BTNL9: variants seen among roughly 807,000 people sequenced by gnomAD.
BTNL9 encodes butyrophilin-like protein 9.
Under a neutral mutation model 45.8 loss-of-function variants are expected in BTNL9, and 45 were observed. The observed-to-expected ratio is 0.98, with a 90% CI of 0.77 to 1.26. BTNL9 has a LOEUF of 1.26. Among genes scored for constraint, BTNL9 ranks in the 50% most tolerant of loss-of-function variants. The pLI is 0.00. For synonymous variants in BTNL9, 346 were observed against 330.8 expected (o/e 1.05, Z -0.50); for missense variants, 784 against 729.7 (o/e 1.07, Z -0.86).
At position 181,053,467 on chromosome 5, in the gene BTNL9, A is replaced by G. The variant is rs1582140750; in HGVS notation, c.854-2A>G. On this transcript the variant is annotated splice_acceptor_variant, in intron 5 of 10. Transcript: ENST00000327705. LOFTEE classifies it high-confidence loss of function. This position sits in a 1 kb window ranked among gnomAD's most constrained non-coding sequence, Gnocchi z 6.5. ...GCCCTCTCCGCTCCCGTTTCCCTTC[A>G]GAAAAGCTGAGGAAGCAGGCGGAGA... is the stretch of plus-strand genomic sequence containing the variant. The G allele has an allele frequency of 1.3e-6, 2 of 1,574,812 alleles. No homozygotes were observed. The highest frequency in any genetic ancestry group is 4.6e-5 in the East Asian group (2 of 43,172).
Position 181,050,448 on chromosome 5 carries a change from A to G in BTNL9, c.736+79A>G. 6.7e-7 allele frequency: 1 copy of G among 1,502,760 alleles called. No homozygotes were observed. Among genetic ancestry groups the G allele is most frequent in the Non-Finnish European group, 9.1e-7 (1 of 1,097,892 alleles). 93.1% of individuals were successfully genotyped at this position (1,502,760 alleles called of 1,614,324 possible). A position where few individuals can be genotyped will look rare whatever the true frequency, so the allele number is the denominator to read the frequency against. On this transcript the variant is annotated intron_variant, in intron 4 of 10. Coordinates refer to ENST00000327705, the MANE Select transcript of BTNL9 (RefSeq NM_152547.5). The surrounding 1 kb of genome is among the most constrained non-coding windows in gnomAD (Gnocchi z 4.9). ...ATTGGCCCAAAGGCAGTCTATAAAG[A>G]CACAATGGTACTGCGCCTGTCTGCA...
In BTNL9 at chr5:181,060,001, C is replaced by G. The variant is rs1762090525; in HGVS notation, c.*139C>G. The G allele has an allele frequency of 6.6e-6, 5 of 760,618 alleles. No individual in the cohort carries two copies. The Admixed American group carries it at 1.2e-4, about 18-fold the overall frequency. 47.1% of individuals were successfully genotyped at this position (760,618 alleles called of 1,614,324 possible). A position where few individuals can be genotyped will look rare whatever the true frequency, so the allele number is the denominator to read the frequency against. The stretch of plus-strand genomic sequence containing the variant: ...GGGGGACAAAGAGAGGGACCTTTGC[C>G]TACGTAGATGTGTATGTGTAGTGCG... On this transcript the variant is annotated 3_prime_UTR_variant, in exon 11 of 11. Coordinates refer to ENST00000327705, the MANE Select transcript of BTNL9 (RefSeq NM_152547.5).
intron 1 of BTNL9, among the ~76,000 whole-genome samples, chr5:181,044,473 G>A (rs548170348): frequency 6.6e-6 from 1 of 152,300 alleles, no homozygotes; most frequent in Non-Finnish European, 1.5e-5. Context: ...GACAGTGCGT[G>A]GGCGTTGGGA....
chr5:181,045,371 A>AG, intron 1 of BTNL9, 96 bp from the exon 2 acceptor site: 1 of 678,222 alleles, frequency 1.5e-6, no homozygotes, highest in South Asian at 1.7e-5. Flanking sequence ...CTAGACAAAA[A>AG]TAACTGAGGC....
chr5:181,053,482 G>A lies in BTNL9; in HGVS notation c.867G>A (p.Lys289=). 1 of 1,578,774 alleles carries A rather than the reference G, an allele frequency of 6.3e-7. No homozygotes were observed. Among genetic ancestry groups the A allele is most frequent in the Middle Eastern group, 1.7e-4 (1 of 5,950 alleles). Residue 289 remains lysine (K), a synonymous_variant, in exon 6 of 11, where the codon AAG becomes AAA. Coordinates refer to ENST00000327705, the MANE Select transcript of BTNL9 (RefSeq NM_152547.5). The surrounding 1 kb of genome is among the most constrained non-coding windows in gnomAD (Gnocchi z 6.5). ...KQRRSREKLR[K]QAEKRQEKLT... Reference sequence around the variant, plus strand: ...GTTTCCCTTCAGAAAAGCTGAGGAAGCAGGCGGAGAAGAGACAAGGTGAGC... The same window carrying A: ...GTTTCCCTTCAGAAAAGCTGAGGAAACAGGCGGAGAAGAGACAAGGTGAGC...
chr5:181,053,627 CG>C lies in BTNL9; in HGVS notation c.886+130del. 6.5e-7 allele frequency: 1 copy of C among 1,544,368 alleles called. No individual in the cohort carries two copies. Among genetic ancestry groups the C allele is most frequent in the Non-Finnish European group, 8.7e-7 (1 of 1,142,986 alleles). On this transcript the variant is annotated intron_variant, in intron 6 of 10. Coordinates refer to ENST00000327705, the MANE Select transcript of BTNL9 (RefSeq NM_152547.5). This position sits in a 1 kb window ranked among gnomAD's most constrained non-coding sequence, Gnocchi z 6.5. ...AGGTGTCAGGGCGGCCACCGGGGAA[CG>C]GGGATCGGTGACCCCGGTGGGGAAG...
Position 181,060,029 on chromosome 5 carries a change from T to A in BTNL9, c.*167T>A. The A allele has an allele frequency of 6.2e-6, 4 of 649,122 alleles. No homozygotes were observed. Among genetic ancestry groups the A allele is most frequent in the Non-Finnish European group, 2.6e-6 (1 of 389,130 alleles). 40.2% of individuals were successfully genotyped at this position (649,122 alleles called of 1,614,324 possible). ...CGTAGATGTGTATGTGTAGTGCGAT[T>A]TTCTTCAAGGAAAGGAGACAAGTCC... On this transcript the variant is annotated 3_prime_UTR_variant, in exon 11 of 11. Coordinates refer to ENST00000327705, the MANE Select transcript of BTNL9 (RefSeq NM_152547.5).
At chr5:181,058,016 C>CG (rs1424150751) in intron 9 of BTNL9, among the ~76,000 whole-genome samples, 1 of 152,184 alleles carries the variant, frequency 6.6e-6, no homozygotes, top group Non-Finnish European at 1.5e-5. Context: ...CACAGCCTGG[C>CG]GGGTCAGAGG....
chr5:181,048,060 T>C lies in BTNL9; in HGVS notation c.243T>C (p.Asn81=), dbSNP rs761899754. The stretch of plus-strand genomic sequence containing the variant: ...GCTGGTTCCGGAGTCAGACCTTCAA[T>C]GTGGTACACCTGTACCAGGAGCAGC... ...EIRWFRSQTF[N]VVHLYQEQQE... Residue 81 remains asparagine (N), a synonymous_variant, in exon 3 of 11, where the codon AAT becomes AAC. Transcript: ENST00000327705. 5.6e-6 allele frequency: 9 copies of C among 1,613,704 alleles called. 1 individual carries two copies. In the East Asian group the frequency reaches 1.1e-4, roughly 20 times the overall value.
intron 1 of BTNL9, among the ~76,000 whole-genome samples, chr5:181,041,546 G>T (rs1760777031): frequency 6.6e-6 from 1 of 152,140 alleles, no homozygotes; most frequent in Admixed American, 6.5e-5. Context: ...TAGAGAAAAT[G>T]GGATGCTTCA....
rs1219290362 is a variant in BTNL9, at chr5:181,042,265, C to T, written c.-24+1833C>T. 6.6e-6 allele frequency among the ~76,000 whole-genome samples: 1 copy of T among 152,210 alleles called. No homozygotes were observed. The highest frequency in any genetic ancestry group is 2.4e-5 in the African/African-American group (1 of 41,446). On this transcript the variant is annotated intron_variant, in intron 1 of 10. Transcript: ENST00000327705. This position sits in a 1 kb window ranked among gnomAD's most constrained non-coding sequence, Gnocchi z 4.5. The stretch of plus-strand genomic sequence containing the variant: ...AAGCAGCACGTGCCCGCCGGCAGAG[C>T]TCAGCTCCAGCTGGAGGACCCCTTT...
intron 9 of BTNL9, chr5:181,057,115 A>C (rs1176279322): frequency 6.6e-6 from 1 of 152,430 alleles, no homozygotes; most frequent in African/African-American, 2.4e-5. Flanking sequence ...AGCTTTGTCC[A>C]TAGTTCCCCT....
At chr5:181,057,784 G>A (rs7714613) in intron 9 of BTNL9, among the ~76,000 whole-genome samples, 7,765 of 152,280 alleles carry the variant, frequency 0.051, 352 homozygotes, top group African/African-American at 0.12. Context: ...ACGCAAAACC[G>A]GGGCAGCAAA....
intron 9 of BTNL9, chr5:181,056,706 C>A: frequency 1.5e-6 from 1 of 683,282 alleles, no homozygotes; most frequent in Admixed American, 2.2e-5. Context: ...GTGGGTATGT[C>A]CACTAAGGGG....
Position 181,055,517 on chromosome 5 carries a change from C to G in BTNL9, c.928+64C>G. ...GGGTCCAGTGGCTCACACCTGTAAT[C>G]CCAGTACTTTGGGAGGCCGAGGCGG... On this transcript the variant is annotated intron_variant, in intron 8 of 10. Transcript: ENST00000327705. This position sits in a 1 kb window ranked among gnomAD's most constrained non-coding sequence, Gnocchi z 4.4. 1.3e-6 allele frequency: 2 copies of G among 1,590,670 alleles called. No individual in the cohort carries two copies. The highest frequency in any genetic ancestry group is 1.7e-6 in the Non-Finnish European group (2 of 1,159,490).
chr5:181,053,944 C>T lies in BTNL9; in HGVS notation c.887-295C>T. The T allele has an allele frequency of 6.6e-7, 1 of 1,521,404 alleles. No homozygotes were observed. The highest frequency in any genetic ancestry group is 1.2e-5 in the South Asian group (1 of 83,046). The allele number at this position is 1,521,404 out of a possible 1,614,324, so 94.2% of individuals were successfully genotyped here. A position where few individuals can be genotyped will look rare whatever the true frequency, so the allele number is the denominator to read the frequency against. ...CAGTTACGTGAGGCAGTGTCCGGGG[C>T]TTAACGTTTCCGCCGAGCTAATAGA... On this transcript the variant is annotated intron_variant, in intron 6 of 10. Coordinates refer to ENST00000327705, the MANE Select transcript of BTNL9 (RefSeq NM_152547.5). The surrounding 1 kb of genome is among the most constrained non-coding windows in gnomAD (Gnocchi z 6.5).
At chr5:181,048,803 ATATAATTATATTAGTTATATAATAT>A (rs1276011980) in intron 3 of BTNL9, among the ~76,000 whole-genome samples, 40 of 36,040 alleles carry the variant, frequency 1.1e-3, no homozygotes, top group Non-Finnish European at 9.3e-4. Flanking sequence ...GTTATATATT[ATATAATTATATTAGTTATATAATAT>A]TATATAATTA....
chr5:181,053,852 G>C lies in BTNL9; in HGVS notation c.886+351G>C. On this transcript the variant is annotated intron_variant, in intron 6 of 10. Transcript: ENST00000327705. This position sits in a 1 kb window ranked among gnomAD's most constrained non-coding sequence, Gnocchi z 6.5. ...TCCAGGTTTTCATAGCGCACAGGGA[G>C]TCGGGCGGATGCGCAACATCTCCGC... is the stretch of plus-strand genomic sequence containing the variant. 1 of 1,507,686 alleles carries C rather than the reference G, an allele frequency of 6.6e-7. No individual in the cohort carries two copies. Among genetic ancestry groups the C allele is most frequent in the Non-Finnish European group, 8.9e-7 (1 of 1,129,052 alleles). The allele number at this position is 1,507,686 out of a possible 1,614,324, so 93.4% of individuals were successfully genotyped here.
intron 9 of BTNL9, 142 bp downstream of exon 9, chr5:181,056,157 A>G (rs896729600): frequency 7.2e-6 from 7 of 971,112 alleles, no homozygotes; most frequent in Non-Finnish European, 1.2e-5. Flanking sequence ...GTCACTGGGT[A>G]GAGGTCATAC....
Sources: allele counts gnomAD v4.1 joint callset (sites outside exome capture counted in the v4.1 genomes callset), GRCh38; gene constraint gnomAD v4.1.1; non-coding constraint Gnocchi (gnomAD v3.1); transcripts MANE v1.5; gene names NCBI Gene and HGNC (gene_info 2026-07-23, HGNC 2026-07-21).